The following ARAP2 variants were observed in gnomAD, a reference collection of about 807,000 sequenced individuals.
ARAP2 encodes the protein arf-GAP with Rho-GAP domain, ANK repeat and PH domain-containing protein 2.
ARAP2 carries 148 observed loss-of-function variants against 194.5 expected under a neutral mutation model. The observed-to-expected ratio is 0.76, with a 90% CI of 0.67 to 0.87. The LOEUF (loss-of-function observed/expected upper bound fraction) is 0.87, where lower values mean the gene tolerates loss of function less well. Ranked by LOEUF, ARAP2 falls within the 40% of genes least tolerant of loss-of-function variation. ARAP2 has a pLI of 0.00. For synonymous variants in ARAP2, 695 were observed against 683.5 expected, an observed-to-expected ratio of 1.02 and a Z score of -0.26; for missense variants, 2,128 against 1,989.7, an observed-to-expected ratio of 1.07 and a Z score of -1.32.
At chr4:36,183,731 A>C (rs1739832230) in intron 8 of ARAP2, among the ~76,000 whole-genome samples, 1 of 152,224 alleles carries the variant, frequency 6.6e-6, no homozygotes, top group Non-Finnish European at 1.5e-5. Flanking sequence ...ATTTCAATAA[A>C]ATTCACTTGC....
At position 36,221,356 on chromosome 4, in the gene ARAP2, G is replaced by A. The variant is rs1578327555; in HGVS notation, c.906-6876C>T. ...CATATAGCATACAGATAAAAAAAAT[G>A]AGAAATAAGATTATTATCCGCATTT... On this transcript the variant is annotated intron_variant, in intron 2 of 32. Coordinates refer to ENST00000303965, the MANE Select transcript of ARAP2 (RefSeq NM_015230.4). 2.0e-5 allele frequency among the ~76,000 whole-genome samples: 3 copies of A among 151,940 alleles called. No homozygotes were observed. The East Asian group carries it at 5.8e-4, about 29-fold the overall frequency.
chr4:36,203,488 G>T (rs1369092903), intron 6 of ARAP2, among the ~76,000 whole-genome samples: 2 of 152,118 alleles, frequency 1.3e-5, no homozygotes, highest in Non-Finnish European at 2.9e-5. Context: ...GGAGGCTGAG[G>T]CAGGAGAATT....
intron 1 of ARAP2, among the ~76,000 whole-genome samples, chr4:36,241,005 C>T (rs1292181517): frequency 6.6e-6 from 1 of 152,124 alleles, no homozygotes; most frequent in Non-Finnish European, 1.5e-5. Flanking sequence ...CTTTTCCTTT[C>T]AAGCTGTCCA....
At chr4:36,056,350 G>T (rs1723509665) in intron 2 of ARAP2, among the ~76,000 whole-genome samples, 1 of 152,192 alleles carries the variant, frequency 6.6e-6, no homozygotes, top group Non-Finnish European at 1.5e-5. Flanking sequence ...CATTTTGTTG[G>T]AACTGTAAAG....
At chr4:36,149,699 A>G (rs1730490698) in intron 16 of ARAP2, among the ~76,000 whole-genome samples, 1 of 152,178 alleles carries the variant, frequency 6.6e-6, no homozygotes, top group Non-Finnish European at 1.5e-5. Context: ...CATAAGTCAT[A>G]TTACATTGAA....
At chr4:36,148,591 T>C (rs543610973) in intron 16 of ARAP2, 84 bp from the exon 17 acceptor site, 215 of 936,536 alleles carry the variant, frequency 2.3e-4, no homozygotes, top group Admixed American at 1.0e-3. Context: ...TGTTTTTAAT[T>C]AAATTCCTTT....
In ARAP2 at chr4:36,160,507, T is replaced by A. The variant is rs1211777782; in HGVS notation, c.2394A>T (p.Lys798Asn). 6.4e-7 allele frequency: 1 copy of A among 1,572,228 alleles called. No homozygotes were observed. The highest frequency in any genetic ancestry group is 1.9e-5 in the Admixed American group (1 of 51,374). ...NFITQKYKEGKFRKTLLASLT... is the reference protein window; with the variant it reads ...NFITQKYKEGNFRKTLLASLT... Reference sequence around the variant, plus strand: ...GAGATGCCAAAAGAGTTTTTCTGAATTTTCCTTCTTTATATTTCTGAGTAA... The same window carrying A: ...GAGATGCCAAAAGAGTTTTTCTGAAATTTCCTTCTTTATATTTCTGAGTAA... The change falls in exon 13 of 33, where the codon AAA (lysine) becomes AAT (asparagine). Residue 798 changes from lysine to asparagine, a missense_variant. Transcript: ENST00000303965.
chr4:36,167,592 C>A (rs549223201), intron 9 of ARAP2, among the ~76,000 whole-genome samples: 3 of 152,188 alleles, frequency 2.0e-5, no homozygotes, highest in African/African-American at 7.2e-5. Context: ...TATTTTTCCC[C>A]TCATTTACTC....
intron 31 of ARAP2, among the ~76,000 whole-genome samples, chr4:36,079,624 C>T (rs1729060959): frequency 6.6e-6 from 1 of 152,156 alleles, no homozygotes; most frequent in African/African-American, 2.4e-5. Context: ...AAATACGGAA[C>T]TGAGTATAAG....
chr4:36,203,278 A>G (rs1744820865), intron 6 of ARAP2, among the ~76,000 whole-genome samples: 1 of 152,128 alleles, frequency 6.6e-6, no homozygotes, highest in African/African-American at 2.4e-5. Context: ...ACTTTCCCAC[A>G]TGAGCCACCC....
intron 26 of ARAP2, among the ~76,000 whole-genome samples, chr4:36,110,663 C>CA (rs1719727796): frequency 6.6e-6 from 1 of 151,780 alleles, no homozygotes; most frequent in African/African-American, 2.4e-5. Flanking sequence ...ATGAAAACAT[C>CA]AAAAATGTTA....
intron 8 of ARAP2, among the ~76,000 whole-genome samples, chr4:36,180,151 A>G (rs964662180): frequency 6.6e-6 from 1 of 152,092 alleles, no homozygotes; most frequent in Middle Eastern, 3.2e-3. Flanking sequence ...TGGTGGCAGT[A>G]ATCCAAGCAA....
At chr4:36,028,629 A>C (rs1320761209) in intron 5 of ARAP2, among the ~76,000 whole-genome samples, 1 of 149,978 alleles carries the variant, frequency 6.7e-6, no homozygotes, top group Non-Finnish European at 1.5e-5. Context: ...TGAAAAAATC[A>C]GTCTATTGAT....
At position 36,177,980 on chromosome 4, in the gene ARAP2, T is replaced by C. The variant is rs751435383; in HGVS notation, c.1704A>G (p.Ile568Met). 6 of 1,605,076 alleles carry C rather than the reference T, an allele frequency of 3.7e-6. No homozygotes were observed. The highest frequency in any genetic ancestry group is 1.7e-5 in the Admixed American group (1 of 57,644). The change falls in exon 9 of 33, where the codon ATA becomes ATG. Residue 568 changes from isoleucine to methionine, a missense_variant. Ile to Met is a conservative substitution (Grantham distance 10, BLOSUM62 1). Coordinates refer to ENST00000303965, the MANE Select transcript of ARAP2 (RefSeq NM_015230.4). ...ATTGTGATTTCAGTGCATTTAATAG[T>C]ATGCTGATCCAGTCATTTCTCTCCT... ...KEEERNDWISILLNALKSQSL... is the reference protein window; with the variant it reads ...KEEERNDWISMLLNALKSQSL...
At chr4:36,076,567 A>G (rs1398283121) in intron 31 of ARAP2, among the ~76,000 whole-genome samples, 1 of 151,412 alleles carries the variant, frequency 6.6e-6, no homozygotes, top group African/African-American at 2.4e-5. Flanking sequence ...TTAAATTTTG[A>G]AATGTCCCAG....
chr4:36,098,622 C>G (rs973590440), intron 27 of ARAP2, among the ~76,000 whole-genome samples: 1 of 152,012 alleles, frequency 6.6e-6, no homozygotes, highest in Non-Finnish European at 1.5e-5. Context: ...TATTTAAGTT[C>G]AATTGATCAT....
At chr4:36,103,933 G>A (rs1311671501) in intron 27 of ARAP2, among the ~76,000 whole-genome samples, 1 of 151,816 alleles carries the variant, frequency 6.6e-6, no homozygotes, top group Non-Finnish European at 1.5e-5. Flanking sequence ...AGGAAGTGGT[G>A]AAAACATAAC....
At chr4:36,104,537 A>G (rs1717869995) in intron 27 of ARAP2, among the ~76,000 whole-genome samples, 1 of 152,008 alleles carries the variant, frequency 6.6e-6, no homozygotes, top group African/African-American at 2.4e-5. Context: ...GAAGTCTATC[A>G]CAAAGTATGC....
chr4:36,243,393 A>AAG (rs1753952643), intron 1 of ARAP2, among the ~76,000 whole-genome samples: 1 of 150,214 alleles, frequency 6.7e-6, no homozygotes, highest in South Asian at 2.1e-4. Flanking sequence ...CAAAAAAAAA[A>AAG]AAAAAAAAAA....
Sources: allele counts gnomAD v4.1 joint callset (sites outside exome capture counted in the v4.1 genomes callset), GRCh38; gene constraint gnomAD v4.1.1; transcripts MANE v1.5; gene names NCBI Gene and HGNC (gene_info 2026-07-23, HGNC 2026-07-21).